The following SRCAP variants were observed in gnomAD, a reference collection of about 807,000 sequenced individuals.
SRCAP encodes Snf2 related CREBBP activator protein.
SRCAP carries 46 observed loss-of-function variants against 263.1 expected under a neutral mutation model. The observed-to-expected ratio is 0.17, with a 90% CI of 0.14 to 0.22. The LOEUF (loss-of-function observed/expected upper bound fraction) is 0.22. Ranked by LOEUF, SRCAP falls within the 10% of genes least tolerant of loss-of-function variation. The pLI is 1.00. For missense variants in SRCAP, 3,695 were observed against 4,181.9 expected, an observed-to-expected ratio of 0.88 and a Z score of 3.21; for synonymous variants, 1,813 against 1,662.1, an observed-to-expected ratio of 1.09 and a Z score of -2.21.
Position 30,739,205 on chromosome 16 carries a change from T to C in SRCAP, c.9165T>C (p.Ser3055=). 6.2e-7 allele frequency: 1 copy of C among 1,613,636 alleles called. No individual in the cohort carries two copies. Among genetic ancestry groups the C allele is most frequent in the Non-Finnish European group, 8.5e-7 (1 of 1,180,000 alleles). Residue 3055 remains serine, a synonymous_variant, in exon 34 of 34, where the codon TCT becomes TCC. Coordinates refer to ENST00000262518, the MANE Select transcript of SRCAP (RefSeq NM_006662.3). Reference sequence around the variant, plus strand: ...AAGGGGAGAGTGAGGGTAGTTCCTCTGATGAGGATGGAAGCCGCCCCCTCA... The same window carrying C: ...AAGGGGAGAGTGAGGGTAGTTCCTCCGATGAGGATGGAAGCCGCCCCCTCA... ...QGQGESEGSS[S]DEDGSRPLTR...
intron 25 of SRCAP, among the ~76,000 whole-genome samples, chr16:30,728,208 A>ACAG (rs2053081201): frequency 6.6e-6 from 1 of 152,210 alleles, no homozygotes; most frequent in Non-Finnish European, 1.5e-5. Context: ...TTAACAGATA[A>ACAG]ATGTATTGAG....
rs1196311209 is a variant in SRCAP, at chr16:30,722,184, G to A, written c.3604G>A (p.Gly1202Arg). Residue 1202 changes from glycine to arginine, a missense_variant, in exon 22 of 34, where the codon GGG becomes AGG. By Grantham distance (125) the Gly-to-Arg change is moderately radical (BLOSUM62 -2). Around this residue, in one of 12 missense-constraint regions of SRCAP, gnomAD observed 1,347 missense variants for 1,304.4 expected, o/e 1.03. Transcript: ENST00000262518. ...SLAQRPVANA[G>R]GSKPLTFQIQ... ...GGCACAACGTCCAGTGGCTAATGCA[G>A]GGGGAAGCAAACCTCTCACCTTCCA... 1.9e-6 allele frequency: 3 copies of A among 1,614,056 alleles called. No individual in the cohort carries two copies. Among genetic ancestry groups the A allele is most frequent in the East Asian group, 2.2e-5 (1 of 44,896 alleles).
chr16:30,734,020 G>A lies in SRCAP; in HGVS notation c.6609+12G>A. The A allele has an allele frequency of 3.8e-6, 6 of 1,589,766 alleles. No individual in the cohort carries two copies. Among genetic ancestry groups the A allele is most frequent in the East Asian group, 2.3e-5 (1 of 43,528 alleles). ...CCTATTTCAAACAGGTACTAAGTAA[G>A]ATCTTTTAGCCTATGCAGGAGAAAA... On this transcript the variant is annotated intron_variant, in intron 30 of 33. Transcript: ENST00000262518.
chr16:30,701,642 T>C (rs2052767780), intron 3 of SRCAP, among the ~76,000 whole-genome samples: 1 of 136,926 alleles, frequency 7.3e-6, no homozygotes. Context: ...TTTTCTTTTT[T>C]TTTTTTTTTG....
At position 30,740,075 on chromosome 16, in the gene SRCAP, CTTTTT is replaced by C. The variant is rs397854666; in HGVS notation, c.*354_*358del. The C allele has an allele frequency of 6.8e-6, 1 of 147,352 alleles. No homozygotes were observed. Among genetic ancestry groups the C allele is most frequent in the Non-Finnish European group, 1.5e-5 (1 of 68,906 alleles). 9.1% of individuals were successfully genotyped at this position (147,352 alleles called of 1,614,324 possible). On this transcript the variant is annotated 3_prime_UTR_variant, in exon 34 of 34. Coordinates refer to ENST00000262518, the MANE Select transcript of SRCAP (RefSeq NM_006662.3). ...GGCTTCTCTACAATGAGGTTTTTTTCTTTTTTTTTTTTTTTTAAGAAGAAAAAATA... is the reference window on the plus strand; with the variant it reads ...GGCTTCTCTACAATGAGGTTTTTTTCTTTTTTTTTTTAAGAAGAAAAAATA...
chr16:30,722,622 C>T lies in SRCAP; in HGVS notation c.3766C>T (p.His1256Tyr). Reference sequence around the variant, plus strand: ...GCACCATCTCATCAGCCAGCCTGCCCATGTGGCCCTCATCCAGGCCGTGGC... The same window carrying T: ...GCACCATCTCATCAGCCAGCCTGCCTATGTGGCCCTCATCCAGGCCGTGGC... ...GQHHLISQPA[H>Y]VALIQAVAPT... The change falls in exon 23 of 34, where the codon CAT becomes TAT. Residue 1256 changes from histidine (H) to tyrosine (Y), a missense_variant. Physicochemically the swap from His to Tyr is moderately conservative, Grantham distance 83. Around this residue, in one of 12 missense-constraint regions of SRCAP, gnomAD observed 1,347 missense variants for 1,304.4 expected, o/e 1.03. Transcript: ENST00000262518. The T allele has an allele frequency of 1.9e-6, 3 of 1,614,158 alleles. No homozygotes were observed. Among genetic ancestry groups the T allele is most frequent in the Non-Finnish European group, 2.5e-6 (3 of 1,180,028 alleles).
chr16:30,722,393 G>T, intron 22 of SRCAP, 107 bp downstream of exon 22: 2 of 1,531,308 alleles, frequency 1.3e-6, no homozygotes, highest in East Asian at 2.3e-5. Context: ...CCAAGCTTTT[G>T]GTGGGTGGGG....
intron 22 of SRCAP, 44 bp downstream of exon 22, chr16:30,722,330 C>A (rs182769594): frequency 1.3e-6 from 2 of 1,587,470 alleles, no homozygotes; most frequent in Admixed American, 1.8e-5. Flanking sequence ...CCTCCTCTTC[C>A]CTGTCTCTTT....
Position 30,737,841 on chromosome 16 carries a change from T to C in SRCAP, c.7801T>C (p.Ser2601Pro). Residue 2601 changes from serine to proline, a missense_variant, in exon 34 of 34, where the codon TCT becomes CCT. Ser to Pro is a moderately conservative substitution (Grantham distance 74). Coordinates refer to ENST00000262518, the MANE Select transcript of SRCAP (RefSeq NM_006662.3). ...EILPVSEKNL[S>P]LTPSAPSLTL... ...CCTGCCTGTGTCAGAGAAGAACCTTTCTCTCACCCCTTCTGCACCCAGCCT... is the reference window on the plus strand; with the variant it reads ...CCTGCCTGTGTCAGAGAAGAACCTTCCTCTCACCCCTTCTGCACCCAGCCT... The C allele has an allele frequency of 6.2e-7, 1 of 1,614,152 alleles. No homozygotes were observed. The highest frequency in any genetic ancestry group is 1.1e-5 in the South Asian group (1 of 91,088).
chr16:30,700,467 G>T lies in SRCAP; in HGVS notation c.-209-149G>T, dbSNP rs7187691. Reference sequence around the variant, plus strand: ...AGAACACATCAAACAGGTACTAAAAGTATCTTATACATAGTAAGTGCTCAA... The same window carrying T: ...AGAACACATCAAACAGGTACTAAAATTATCTTATACATAGTAAGTGCTCAA... On this transcript the variant is annotated intron_variant, in intron 2 of 33. Coordinates refer to ENST00000262518, the MANE Select transcript of SRCAP (RefSeq NM_006662.3). 6.2e-5 allele frequency: 12 copies of T among 193,848 alleles called. No individual in the cohort carries two copies. In the South Asian group the frequency reaches 1.3e-3, roughly 21 times the overall value. 12.0% of individuals were successfully genotyped at this position (193,848 alleles called of 1,614,324 possible).
intron 4 of SRCAP, 33 bp from the exon 5 acceptor site, chr16:30,707,150 G>T: frequency 5.0e-6 from 8 of 1,611,036 alleles, no homozygotes; most frequent in Non-Finnish European, 6.8e-6. Context: ...TGTGTGTTTA[G>T]AACTGTTGAT....
rs777800543 is a variant in SRCAP, at chr16:30,713,491, C to T, written c.2301-28C>T. ...AGGTTGGGAGCTTGCTGACCATACT[C>T]TCTCTGATTCTCTCTGTCTCTTTGC... is the stretch of plus-strand genomic sequence containing the variant. On this transcript the variant is annotated intron_variant, in intron 15 of 33. Transcript: ENST00000262518. 3 of 1,613,140 alleles carry T rather than the reference C, an allele frequency of 1.9e-6. No individual in the cohort carries two copies. The South Asian group carries it at 3.3e-5, about 18-fold the overall frequency.
At chr16:30,703,747 A>AT (rs2052794819) in intron 3 of SRCAP, among the ~76,000 whole-genome samples, 1 of 151,846 alleles carries the variant, frequency 6.6e-6, no homozygotes, top group South Asian at 2.1e-4. Context: ...ATACAAAAAA[A>AT]TTAGCTGGGC....
chr16:30,700,398 T>C (rs1223361567), intron 2 of SRCAP, among the ~76,000 whole-genome samples: 2 of 152,248 alleles, frequency 1.3e-5, no homozygotes, highest in Non-Finnish European at 1.5e-5. Context: ...ATATTTGTTA[T>C]GCTGTGAAAA....
intron 8 of SRCAP, 150 bp from the exon 9 acceptor site, chr16:30,710,604 C>A: frequency 1.1e-6 from 1 of 886,298 alleles, no homozygotes; most frequent in Non-Finnish European, 1.9e-6. Flanking sequence ...TGAGAGAAAA[C>A]CCTTGATTGT....
intron 22 of SRCAP, 126 bp from the exon 23 acceptor site, chr16:30,722,437 G>GA: frequency 6.7e-7 from 1 of 1,502,702 alleles, no homozygotes; most frequent in Non-Finnish European, 9.0e-7. Context: ...CTTGGATAAA[G>GA]ATAGGGAAGA....
At position 30,723,346 on chromosome 16, in the gene SRCAP, T is replaced by G. The variant is rs781296646; in HGVS notation, c.4159+117T>G. 24 of 1,456,898 alleles carry G rather than the reference T, an allele frequency of 1.6e-5. No individual in the cohort carries two copies. The East Asian group carries it at 5.6e-4, about 34-fold the overall frequency. 90.2% of individuals were successfully genotyped at this position (1,456,898 alleles called of 1,614,324 possible). On this transcript the variant is annotated intron_variant, in intron 24 of 33. Coordinates refer to ENST00000262518, the MANE Select transcript of SRCAP (RefSeq NM_006662.3). ...TTCATATCAGCGTACTGCCTTGATT[T>G]GTAGTGGGCCCCAGAACTGGGCTGC...
rs1163139509 is a variant in SRCAP at position 30,739,178 on chromosome 16, C to T, written c.9138C>T (p.Gly3046=). The change falls in exon 34 of 34, where the codon GGC becomes GGT. Residue 3046 remains glycine (G), a synonymous_variant. Coordinates refer to ENST00000262518, the MANE Select transcript of SRCAP (RefSeq NM_006662.3). ...TGGGGAGGCGACGGCAACCCCAGGG[C>T]CAAGGGGAGAGTGAGGGTAGTTCCT... The part of the protein sequence containing the change: ...CGLGRRRQPQ[G]QGESEGSSSD... 2.5e-6 allele frequency: 4 copies of T among 1,613,960 alleles called. No homozygotes were observed. The East Asian group carries it at 6.7e-5, about 27-fold the overall frequency.
Position 30,724,521 on chromosome 16 carries a change from A to C in SRCAP, c.5097A>C (p.Thr1699=), listed in dbSNP as rs1222324385. The C allele has an allele frequency of 6.2e-7, 1 of 1,613,430 alleles. No individual in the cohort carries two copies. Among genetic ancestry groups the C allele is most frequent in the Admixed American group, 1.7e-5 (1 of 59,952 alleles). The change falls in exon 25 of 34, where the codon ACA becomes ACC. Residue 1699 remains threonine (T), a synonymous_variant. Transcript: ENST00000262518. ...TTGGAGGCTCATCTCCATCTCAGAC[A>C]CTCTCTTTGGGAACGGGGAACCCCC... ...PTLGGSSPSQ[T]LSLGTGNPQG...
Sources: gnomAD v4.1 joint callset for allele counts (sites outside exome capture counted in the v4.1 genomes callset) on GRCh38, gnomAD v4.1.1 for gene constraint, gnomAD v4.1.1 regional missense constraint, MANE v1.5 for transcripts, NCBI Gene and HGNC (gene_info 2026-07-23, HGNC 2026-07-21) for gene names.